MSRA: variants seen among roughly 807,000 people sequenced by gnomAD.
MSRA encodes the protein mitochondrial peptide methionine sulfoxide reductase.
In MSRA, 54 loss-of-function variants were observed where a neutral mutation model predicts 31.3. The ratio of observed to expected loss-of-function variants is 1.73; its 90% CI spans 1.39 to 2.17. The LOEUF (loss-of-function observed/expected upper bound fraction) is 2.17, where lower values mean the gene tolerates loss of function less well. Ranked by LOEUF, MSRA falls within the 30% of genes most tolerant of loss-of-function variation. The probability of loss-of-function intolerance (pLI) is 0.00; values close to 1 mark genes in which losing one functional copy is unlikely to be tolerated. For missense variants in MSRA, 507 were observed against 300.9 expected (o/e 1.69, Z -5.07); for synonymous variants, 169 against 116.5 (o/e 1.45, Z -2.90).
At chr8:10,294,812 C>G (rs723609) in intron 3 of MSRA, among the ~76,000 whole-genome samples, 2 of 151,874 alleles carry the variant, frequency 1.3e-5, no homozygotes, top group Non-Finnish European at 2.9e-5. Flanking sequence ...CCTAACCTTC[C>G]CCACAGCAGC....
chr8:10,138,815 G>T (rs1163441345), intron 1 of MSRA, among the ~76,000 whole-genome samples: 4 of 152,126 alleles, frequency 2.6e-5, no homozygotes, highest in Non-Finnish European at 4.4e-5. Flanking sequence ...AAGGCCAAAG[G>T]GTGGAAAATT....
At chr8:10,096,243 G>C in intron 1 of MSRA, 1 of 1,191,732 alleles carries the variant, frequency 8.4e-7, no homozygotes, top group Non-Finnish European at 1.0e-6. Context: ...ACATCCCCCA[G>C]CAATTAGTGA....
intron 5 of MSRA, among the ~76,000 whole-genome samples, chr8:10,405,899 C>G (rs1168340371): frequency 1.3e-5 from 2 of 152,264 alleles, no homozygotes; most frequent in Non-Finnish European, 2.9e-5. Flanking sequence ...TTCACATACA[C>G]GCTGTACTCA....
chr8:10,196,739 T>A (rs936522133), intron 1 of MSRA, among the ~76,000 whole-genome samples: 5 of 151,634 alleles, frequency 3.3e-5, no homozygotes, highest in African/African-American at 1.2e-4. Flanking sequence ...TTTAATTTTT[T>A]TTTTTAATTT....
chr8:10,113,292 C>CTTTTTTTTTT lies in MSRA; in HGVS notation c.142+58647_142+58656dup, dbSNP rs10665004. Among the ~76,000 whole-genome samples, 50 of 57,594 alleles carry CTTTTTTTTTT rather than the reference C, an allele frequency of 8.7e-4. 7 individuals are homozygous for CTTTTTTTTTT. The highest frequency in any genetic ancestry group is 1.2e-3 in the East Asian group (2 of 1,708). The allele number at this position is 57,594 out of a possible 152,430, so 37.8% of individuals were successfully genotyped here. A position where few individuals can be genotyped will look rare whatever the true frequency, so the allele number is the denominator to read the frequency against. ...CATGGCTTTGGTGAAGACAGGTCTT[C>CTTTTTTTTTT]TTTTTTTTTTTTTTTTTTTTTTGGA... On this transcript the variant is annotated intron_variant, in intron 1 of 5. Coordinates refer to ENST00000317173, the MANE Select transcript of MSRA (RefSeq NM_012331.5).
At chr8:10,339,446 A>G (rs1050094320) in intron 5 of MSRA, among the ~76,000 whole-genome samples, 3 of 151,822 alleles carry the variant, frequency 2.0e-5, no homozygotes, top group African/African-American at 4.8e-5. Context: ...CACAAGTACA[A>G]TGAATTCAGT....
intron 1 of MSRA, among the ~76,000 whole-genome samples, chr8:10,118,807 A>C (rs914994245): frequency 6.6e-6 from 1 of 152,146 alleles, no homozygotes; most frequent in Non-Finnish European, 1.5e-5. Context: ...AGCTACCCCA[A>C]TTCCCACCCA....
At chr8:10,275,473 A>G (rs1799274146) in intron 3 of MSRA, among the ~76,000 whole-genome samples, 1 of 152,246 alleles carries the variant, frequency 6.6e-6, no homozygotes, top group Admixed American at 6.5e-5. Context: ...GTTGTGAAAC[A>G]GAAATGAAAG....
At chr8:10,338,330 C>G (rs1379341785) in intron 5 of MSRA, among the ~76,000 whole-genome samples, 1 of 152,072 alleles carries the variant, frequency 6.6e-6, no homozygotes, top group Non-Finnish European at 1.5e-5. Flanking sequence ...ATAGAAAGGC[C>G]AGAGGCCAGG....
chr8:10,380,773 G>A (rs555255498), intron 5 of MSRA, among the ~76,000 whole-genome samples: 5 of 152,206 alleles, frequency 3.3e-5, no homozygotes, highest in African/African-American at 1.2e-4. Context: ...TGGCTGGATG[G>A]ATGGATGGAT....
chr8:10,229,154 C>T (rs1468801381), intron 2 of MSRA, among the ~76,000 whole-genome samples: 1 of 152,154 alleles, frequency 6.6e-6, no homozygotes, highest in Non-Finnish European at 1.5e-5. Flanking sequence ...CTGTGTGACT[C>T]AGAGACACAC....
rs546420125 is a variant in MSRA, at chr8:10,354,528, T to C, written c.543+34539T>C. On this transcript the variant is annotated intron_variant, in intron 5 of 5. Transcript: ENST00000317173. ...CTTTGCTAATCATATTTTAAAACAT[T>C]TTGGTATGTATGCTTCTATTCCTTT... 2.0e-5 allele frequency among the ~76,000 whole-genome samples: 3 copies of C among 152,156 alleles called. No homozygotes were observed. In the South Asian group the frequency reaches 6.2e-4, roughly 31 times the overall value.
At chr8:10,145,650 A>G (rs1019463629) in intron 1 of MSRA, among the ~76,000 whole-genome samples, 5 of 152,182 alleles carry the variant, frequency 3.3e-5, no homozygotes, top group African/African-American at 9.7e-5. Flanking sequence ...AAATCCTTCA[A>G]TATAAAAATT....
intron 5 of MSRA, among the ~76,000 whole-genome samples, chr8:10,395,490 G>A (rs1027007950): frequency 3.9e-5 from 6 of 152,128 alleles, no homozygotes; most frequent in African/African-American, 1.4e-4. Flanking sequence ...AGAATGACAT[G>A]GCCACAGATG....
intron 2 of MSRA, 85 bp downstream of exon 2, chr8:10,207,986 C>T: frequency 9.6e-7 from 1 of 1,037,594 alleles, no homozygotes; most frequent in Non-Finnish European, 1.4e-6. Flanking sequence ...GTTCTCAGGG[C>T]TTCAAAATCT....
intron 5 of MSRA, among the ~76,000 whole-genome samples, chr8:10,386,481 G>C (rs1431377379): frequency 6.6e-6 from 1 of 152,210 alleles, no homozygotes; most frequent in Non-Finnish European, 1.5e-5. Flanking sequence ...TCTAACAACA[G>C]AGGAAAGGTA....
chr8:10,296,357 A>G (rs999553203), intron 3 of MSRA, among the ~76,000 whole-genome samples: 26 of 152,222 alleles, frequency 1.7e-4, no homozygotes, highest in African/African-American at 5.8e-4. Flanking sequence ...AATAGCAATA[A>G]CAATAGAAAC....
intron 1 of MSRA, among the ~76,000 whole-genome samples, chr8:10,075,342 G>T (rs1797948411): frequency 6.6e-6 from 1 of 152,104 alleles, no homozygotes; most frequent in Non-Finnish European, 1.5e-5. Context: ...AGGCCAATAG[G>T]TATTAATATT....
At chr8:10,370,313 C>G (rs569099025) in intron 5 of MSRA, among the ~76,000 whole-genome samples, 6 of 152,198 alleles carry the variant, frequency 3.9e-5, no homozygotes, top group Non-Finnish European at 8.8e-5. Context: ...ATGCTTCTCC[C>G]ACTACCAGAG....
Sources: allele counts gnomAD v4.1 joint callset (sites outside exome capture counted in the v4.1 genomes callset), GRCh38; gene constraint gnomAD v4.1.1; transcripts MANE v1.5; gene names NCBI Gene and HGNC (gene_info 2026-07-23, HGNC 2026-07-21).